The following NLRP3 variants were observed in gnomAD, a reference collection of about 807,000 sequenced individuals.
NLRP3 encodes NLR family pyrin domain containing 3.
NLRP3 carries 48 observed loss-of-function variants against 91.3 expected under a neutral mutation model. The observed-to-expected ratio is 0.53, with a 90% CI of 0.42 to 0.67. The LOEUF is 0.67. Ranked by LOEUF, NLRP3 falls within the 30% of genes least tolerant of loss-of-function variation. NLRP3 has a pLI of 0.00. For synonymous variants in NLRP3, 561 were observed against 507.9 expected (o/e 1.10, Z -1.41); for missense variants, 982 against 1,276.9 (o/e 0.77, Z 3.52).
Position 247,424,020 on chromosome 1 carries a change from A to C in NLRP3, c.571A>C (p.Thr191Pro). ...REQELLAIGK[T>P]KTCESPVSPI... The stretch of plus-strand genomic sequence containing the variant: ...GCAGGAGCTTCTGGCCATCGGCAAG[A>C]CCAAGACGTGTGAGAGCCCCGTGAG... The change falls in exon 4 of 10, where the codon ACC becomes CCC. Residue 191 changes from threonine to proline, a missense_variant. Around this residue, in one of 5 missense-constraint regions of NLRP3, gnomAD observed 548 missense variants for 713.7 expected, o/e 0.77. Coordinates refer to ENST00000336119, the MANE Select transcript of NLRP3 (RefSeq NM_001243133.2). The surrounding 1 kb of genome is among the most constrained non-coding windows in gnomAD (Gnocchi z 8.1). 1 of 1,613,978 alleles carries C rather than the reference A, an allele frequency of 6.2e-7. No homozygotes were observed. The highest frequency in any genetic ancestry group is 8.5e-7 in the Non-Finnish European group (1 of 1,179,982).
chr1:247,438,992 T>C (rs1466065928), intron 7 of NLRP3, among the ~76,000 whole-genome samples: 1 of 128,160 alleles, frequency 7.8e-6, no homozygotes, highest in Non-Finnish European at 1.7e-5. Context: ...CCATCCATCA[T>C]CCATCCCTCT....
chr1:247,440,251 G>C (rs1664116640), intron 7 of NLRP3, among the ~76,000 whole-genome samples: 1 of 152,120 alleles, frequency 6.6e-6, no homozygotes, highest in Non-Finnish European at 1.5e-5. Flanking sequence ...TTGCAACATT[G>C]GTTTAATTAT....
At chr1:247,447,018 G>A (rs4385758) in intron 9 of NLRP3, among the ~76,000 whole-genome samples, 1 of 152,200 alleles carries the variant, frequency 6.6e-6, no homozygotes, top group Non-Finnish European at 1.5e-5. Flanking sequence ...CACTGACCTA[G>A]CCCTGAGGGA....
chr1:247,441,055 ATCT>A (rs1664175909), intron 7 of NLRP3, among the ~76,000 whole-genome samples: 1 of 150,732 alleles, frequency 6.6e-6, no homozygotes, highest in Admixed American at 6.6e-5. Context: ...AAAATGTTTG[ATCT>A]TCTTCTTCAG....
intron 5 of NLRP3, among the ~76,000 whole-genome samples, chr1:247,431,473 C>T (rs1246948873): frequency 6.6e-6 from 1 of 152,206 alleles, no homozygotes; most frequent in Admixed American, 6.5e-5. Context: ...CACTTTTCCT[C>T]GTCCTCACCC....
chr1:247,438,180 C>G (rs910700163), intron 7 of NLRP3, among the ~76,000 whole-genome samples: 3 of 152,148 alleles, frequency 2.0e-5, no homozygotes, highest in African/African-American at 7.2e-5. Flanking sequence ...ATAGGTCGTA[C>G]AGGTCCTTCC....
chr1:247,448,434 C>CA lies in NLRP3; in HGVS notation c.3040dup (p.Ser1014LysfsTer12). On this transcript the variant is annotated frameshift_variant, in exon 10 of 10. Coordinates refer to ENST00000336119, the MANE Select transcript of NLRP3 (RefSeq NM_001243133.2). LOFTEE classifies it high-confidence loss of function. The stretch of plus-strand genomic sequence containing the variant: ...TCTGAAATGTATTTCAATTATGAGA[C>CA]AAAAAGTGCGTTAGAAACACTTCAA... 2 of 1,612,704 alleles carry CA rather than the reference C, an allele frequency of 1.2e-6. No homozygotes were observed. The highest frequency in any genetic ancestry group is 1.7e-6 in the Non-Finnish European group (2 of 1,178,746).
chr1:247,432,026 A>G (rs1663369751), intron 5 of NLRP3, among the ~76,000 whole-genome samples: 1 of 152,128 alleles, frequency 6.6e-6, no homozygotes, highest in Non-Finnish European at 1.5e-5. Context: ...TTGGGATTAC[A>G]GGCATGGGCC....
In NLRP3 at chr1:247,435,962, T is replaced by A. The variant is rs199858933; in HGVS notation, c.2493-8T>A. The A allele has an allele frequency of 1.2e-4, 196 of 1,613,556 alleles. No individual in the cohort carries two copies. Among genetic ancestry groups the A allele is most frequent in the Non-Finnish European group, 1.6e-4 (189 of 1,179,956 alleles). On this transcript the variant is annotated splice_region_variant and splice_polypyrimidine_tract_variant and intron_variant, in intron 6 of 9. Coordinates refer to ENST00000336119, the MANE Select transcript of NLRP3 (RefSeq NM_001243133.2). ...GACATGACTGACATTCTGCCATCTC[T>A]ATGGAAGGTTGGTCAGCTGCTGCCT...
chr1:247,448,632 A>C lies in NLRP3; in HGVS notation c.*128A>C. 1 of 730,414 alleles carries C rather than the reference A, an allele frequency of 1.4e-6. No individual in the cohort carries two copies. The highest frequency in any genetic ancestry group is 2.5e-6 in the Non-Finnish European group (1 of 396,192). The allele number at this position is 730,414 out of a possible 1,614,324, so 45.2% of individuals were successfully genotyped here. ...TGTGATCCTTCCGGTGGAGTGTCGG[A>C]GAAGAGAGCTTGCCGACGATGCCTT... is the stretch of plus-strand genomic sequence containing the variant. On this transcript the variant is annotated 3_prime_UTR_variant, in exon 10 of 10. Coordinates refer to ENST00000336119, the MANE Select transcript of NLRP3 (RefSeq NM_001243133.2).
At chr1:247,432,622 C>A (rs574756989) in intron 5 of NLRP3, among the ~76,000 whole-genome samples, 141 of 152,244 alleles carry the variant, frequency 9.3e-4, no homozygotes, top group African/African-American at 3.2e-3. Flanking sequence ...GAGGCAGACA[C>A]AAACAGGGAA....
At chr1:247,438,070 T>C (rs1663921737) in intron 7 of NLRP3, among the ~76,000 whole-genome samples, 1 of 152,228 alleles carries the variant, frequency 6.6e-6, no homozygotes, top group Non-Finnish European at 1.5e-5. Flanking sequence ...GCTGCTGTAA[T>C]AAAGTATCAC....
intron 7 of NLRP3, among the ~76,000 whole-genome samples, chr1:247,436,559 C>T (rs1453172647): frequency 1.3e-5 from 2 of 152,190 alleles, no homozygotes; most frequent in African/African-American, 4.8e-5. Flanking sequence ...GACTCTTACA[C>T]TGCAGCCTCT....
At chr1:247,441,818 A>G (rs1664262195) in intron 7 of NLRP3, among the ~76,000 whole-genome samples, 1 of 152,186 alleles carries the variant, frequency 6.6e-6, no homozygotes, top group African/African-American at 2.4e-5. Context: ...TCTTAACAAA[A>G]CTGCACCGTC....
In NLRP3 at chr1:247,425,662, G is replaced by A. The variant is rs1032901835; in HGVS notation, c.2150+63G>A. On this transcript the variant is annotated intron_variant, in intron 4 of 9. Transcript: ENST00000336119. This position sits in a 1 kb window ranked among gnomAD's most constrained non-coding sequence, Gnocchi z 4.1. ...CCTCGCCAGCTTCTTCTTGGCGCTT[G>A]CCTCCTCTCATCTCTTTTCAACTAT... is the stretch of plus-strand genomic sequence containing the variant. The A allele has an allele frequency of 2.6e-5, 38 of 1,465,736 alleles. No individual in the cohort carries two copies. The highest frequency in any genetic ancestry group is 3.6e-5 in the Non-Finnish European group (38 of 1,060,752). The allele number at this position is 1,465,736 out of a possible 1,614,324, so 90.8% of individuals were successfully genotyped here. A position where few individuals can be genotyped will look rare whatever the true frequency, so the allele number is the denominator to read the frequency against.
At position 247,425,608 on chromosome 1, in the gene NLRP3, A is replaced by G. The variant is rs750448538; in HGVS notation, c.2150+9A>G. 9 of 1,602,512 alleles carry G rather than the reference A, an allele frequency of 5.6e-6. No individual in the cohort carries two copies. The highest frequency in any genetic ancestry group is 4.4e-5 in the South Asian group (4 of 91,026). ...GCTGCCTGTTCTCATGGGTAAGGAAACTCGGCTTCCAGGTGCTTCCTCCTG... is the reference window on the plus strand; with the variant it reads ...GCTGCCTGTTCTCATGGGTAAGGAAGCTCGGCTTCCAGGTGCTTCCTCCTG... On this transcript the variant is annotated intron_variant, in intron 4 of 9. Transcript: ENST00000336119. The surrounding 1 kb of genome is among the most constrained non-coding windows in gnomAD (Gnocchi z 4.1).
In NLRP3 at chr1:247,440,724, G is replaced by A. The variant is rs1236589709; in HGVS notation, c.2664-3248G>A. 2.6e-5 allele frequency among the ~76,000 whole-genome samples: 4 copies of A among 152,064 alleles called. No individual in the cohort carries two copies. In the South Asian group the frequency reaches 6.2e-4, roughly 24 times the overall value. ...ACTCCTGGGCTCAAGCAATCCTCCC[G>A]TCTCAGCCGCCCAAGTAGCTGGGAC... is the stretch of plus-strand genomic sequence containing the variant. On this transcript the variant is annotated intron_variant, in intron 7 of 9. Coordinates refer to ENST00000336119, the MANE Select transcript of NLRP3 (RefSeq NM_001243133.2).
chr1:247,437,892 C>T (rs988317291), intron 7 of NLRP3, among the ~76,000 whole-genome samples: 7 of 152,202 alleles, frequency 4.6e-5, no homozygotes, highest in African/African-American at 1.7e-4. Flanking sequence ...CGGAAGAGCC[C>T]TCCAGGCAAA....
At chr1:247,420,174 G>C (rs1434404194) in intron 2 of NLRP3, among the ~76,000 whole-genome samples, 1 of 152,130 alleles carries the variant, frequency 6.6e-6, no homozygotes, top group Non-Finnish European at 1.5e-5. Flanking sequence ...AAGTGATGCT[G>C]AGCACATTTT....
Sources: gnomAD v4.1 joint callset for allele counts (sites outside exome capture counted in the v4.1 genomes callset) on GRCh38, gnomAD v4.1.1 for gene constraint, gnomAD v4.1.1 regional missense constraint, Gnocchi (gnomAD v3.1) non-coding constraint, MANE v1.5 for transcripts, NCBI Gene and HGNC (gene_info 2026-07-23, HGNC 2026-07-21) for gene names.